Variants in KLHL29 observed in about 807,000 individuals in gnomAD.
KLHL29 encodes the protein kelch-like protein 29.
In KLHL29, 21 loss-of-function variants were observed where a neutral mutation model predicts 80.4. The observed-to-expected ratio is 0.26, with a 90% confidence interval of 0.19 to 0.38. KLHL29 has a LOEUF of 0.38. Among genes scored for constraint, KLHL29 ranks in the 10% least tolerant of loss-of-function variants. KLHL29 has a pLI of 1.00. For synonymous variants in KLHL29, 511 were observed against 526.8 expected, an observed-to-expected ratio of 0.97 and a Z score of 0.41; for missense variants, 867 against 1,223.9, an observed-to-expected ratio of 0.71 and a Z score of 4.35.
At position 23,592,834 on chromosome 2, in the gene KLHL29, G is replaced by A. The variant is rs538758221; in HGVS notation, c.285+30353G>A. On this transcript the variant is annotated intron_variant, in intron 3 of 13. Coordinates refer to ENST00000486442, the MANE Select transcript of KLHL29 (RefSeq NM_052920.2). ...GGAATGGAAGTCCCGGTGACCTTCT[G>A]CAGGTAAGCTGGTGTCCCCTCCCTG... is the stretch of plus-strand genomic sequence containing the variant. Among the ~76,000 whole-genome samples, 3 of 152,292 alleles carry A rather than the reference G, an allele frequency of 2.0e-5. No individual in the cohort carries two copies. The South Asian group carries it at 6.2e-4, about 32-fold the overall frequency.
At chr2:23,632,172 C>G (rs1304885118) in intron 3 of KLHL29, among the ~76,000 whole-genome samples, 1 of 152,228 alleles carries the variant, frequency 6.6e-6, no homozygotes, top group Non-Finnish European at 1.5e-5. Flanking sequence ...CCTGTGTGAT[C>G]TTGGAATCTG....
At chr2:23,674,064 G>A (rs368892692) in intron 5 of KLHL29, among the ~76,000 whole-genome samples, 9 of 152,144 alleles carry the variant, frequency 5.9e-5, no homozygotes, top group East Asian at 1.9e-4. Flanking sequence ...CCTTGACTCC[G>A]TCAGGAAGAA....
intron 1 of KLHL29, among the ~76,000 whole-genome samples, chr2:23,412,963 TCTTA>T (rs1666901805): frequency 6.6e-6 from 1 of 152,174 alleles, no homozygotes; most frequent in African/African-American, 2.4e-5. Context: ...ATTCCTATGC[TCTTA>T]CTTAAGTGTG....
intron 1 of KLHL29, among the ~76,000 whole-genome samples, chr2:23,472,501 G>A (rs974777784): frequency 1.3e-5 from 2 of 152,212 alleles, no homozygotes; most frequent in African/African-American, 4.8e-5. Context: ...GGGCATGGCG[G>A]CGTGTGCCTG....
intron 2 of KLHL29, among the ~76,000 whole-genome samples, chr2:23,556,476 C>CAA (rs113043704): frequency 4.7e-4 from 67 of 143,748 alleles, no homozygotes; most frequent in African/African-American, 1.6e-3. Flanking sequence ...CCATTTCTAC[C>CAA]AAAAAAAAAA....
At chr2:23,488,677 A>G (rs1205583992) in intron 2 of KLHL29, among the ~76,000 whole-genome samples, 2 of 152,248 alleles carry the variant, frequency 1.3e-5, no homozygotes, top group Admixed American at 6.5e-5. Flanking sequence ...ATCATGAATC[A>G]AAAGGAGGAG....
Position 23,562,690 on chromosome 2 carries a change from A to G in KLHL29, c.285+209A>G, listed in dbSNP as rs891764056. On this transcript the variant is annotated intron_variant, in intron 3 of 13. Coordinates refer to ENST00000486442, the MANE Select transcript of KLHL29 (RefSeq NM_052920.2). The surrounding 1 kb of genome is among the most constrained non-coding windows in gnomAD (Gnocchi z 4.5). ...ATCCATGAAGTCTTTCTCTGTGACT[A>G]ACTTGTAGGAAGACAAGCAGGTGCT... Among the ~76,000 whole-genome samples, 1 of 152,296 alleles carries G rather than the reference A, an allele frequency of 6.6e-6. No individual in the cohort carries two copies. The highest frequency in any genetic ancestry group is 2.1e-4 in the South Asian group (1 of 4,834).
intron 2 of KLHL29, among the ~76,000 whole-genome samples, chr2:23,502,985 C>CT (rs142606013): frequency 0.029 from 4,361 of 151,970 alleles, 171 homozygotes; most frequent in African/African-American, 0.091. Flanking sequence ...TTTTCTTTTT[C>CT]TTTTTTTTGG....
intron 3 of KLHL29, among the ~76,000 whole-genome samples, chr2:23,621,262 G>A (rs1382789131): frequency 6.6e-5 from 10 of 152,180 alleles, no homozygotes; most frequent in Admixed American, 6.5e-4. Flanking sequence ...ACCTCCCAGG[G>A]GAGAGACTGG....
At chr2:23,613,845 G>A (rs1668935669) in intron 3 of KLHL29, among the ~76,000 whole-genome samples, 1 of 149,316 alleles carries the variant, frequency 6.7e-6, no homozygotes, top group Admixed American at 6.7e-5. Context: ...TCCAAGAACT[G>A]TGAAAGGAAA....
intron 1 of KLHL29, among the ~76,000 whole-genome samples, chr2:23,434,043 C>T (rs1024755250): frequency 2.6e-5 from 4 of 151,388 alleles, no homozygotes; most frequent in African/African-American, 7.3e-5. Flanking sequence ...AGGCTCCGGC[C>T]GGGCGCGGTG....
At chr2:23,421,032 A>G (rs1662783560) in intron 1 of KLHL29, among the ~76,000 whole-genome samples, 1 of 152,124 alleles carries the variant, frequency 6.6e-6, no homozygotes, top group Admixed American at 6.5e-5. Flanking sequence ...CCTCACAGCA[A>G]CCTTCTGGGA....
At chr2:23,512,821 G>A (rs1572368235) in intron 2 of KLHL29, among the ~76,000 whole-genome samples, 1 of 152,396 alleles carries the variant, frequency 6.6e-6, no homozygotes, top group Non-Finnish European at 1.5e-5. Context: ...CTGTCTGTTG[G>A]TTAAAGGGTG....
At position 23,578,774 on chromosome 2, in the gene KLHL29, A is replaced by G. The variant is rs73919769; in HGVS notation, c.285+16293A>G. Among the ~76,000 whole-genome samples the G allele has an allele frequency of 5.5e-3, 842 of 152,258 alleles. 4 individuals are homozygous for G. Among genetic ancestry groups the G allele is most frequent in the African/African-American group, 0.019 (790 of 41,542 alleles). ...ACAGCTGTGCACTTTTGAAAATTAT[A>G]TTTCTTTTCCACGGTCGTATATTCT... On this transcript the variant is annotated intron_variant, in intron 3 of 13. Coordinates refer to ENST00000486442, the MANE Select transcript of KLHL29 (RefSeq NM_052920.2).
At chr2:23,611,907 C>A (rs921661193) in intron 3 of KLHL29, among the ~76,000 whole-genome samples, 1 of 144,790 alleles carries the variant, frequency 6.9e-6, no homozygotes. Context: ...GGATTATGAA[C>A]TGAAAGATTG....
intron 5 of KLHL29, among the ~76,000 whole-genome samples, chr2:23,683,739 T>C (rs1671157232): frequency 6.6e-6 from 1 of 152,150 alleles, no homozygotes. Flanking sequence ...CCTGAGAGAC[T>C]CAACTGGGAC....
intron 2 of KLHL29, chr2:23,507,039 A>G: frequency 5.0e-6 from 2 of 403,906 alleles, no homozygotes; most frequent in South Asian, 1.8e-5. Context: ...CTGTGACCAA[A>G]GCTAGACTGC....
intron 1 of KLHL29, among the ~76,000 whole-genome samples, chr2:23,392,128 C>G (rs951282179): frequency 2.0e-5 from 3 of 152,174 alleles, no homozygotes; most frequent in Admixed American, 6.5e-5. Flanking sequence ...CTCCATAAAC[C>G]CACATTACAG....
chr2:23,395,605 C>T lies in KLHL29; in HGVS notation c.-154+9825C>T, dbSNP rs1037474210. Among the ~76,000 whole-genome samples, 14 of 152,090 alleles carry T rather than the reference C, an allele frequency of 9.2e-5. 1 individual carries two copies. Among genetic ancestry groups the T allele is most frequent in the African/African-American group, 2.4e-4 (10 of 41,410 alleles). ...ACCAAAGCTACAAAAATTAGCCAGG[C>T]GTGGTGGCATGCGCCTGTAATCCCA... On this transcript the variant is annotated intron_variant, in intron 1 of 13. Transcript: ENST00000486442.
Sources: allele counts gnomAD v4.1 joint callset (sites outside exome capture counted in the v4.1 genomes callset), GRCh38; gene constraint gnomAD v4.1.1; non-coding constraint Gnocchi (gnomAD v3.1); transcripts MANE v1.5; gene names NCBI Gene and HGNC (gene_info 2026-07-23, HGNC 2026-07-21).